Variants in OSBPL3 observed in about 807,000 individuals in gnomAD.
OSBPL3 encodes the protein oxysterol-binding protein-related protein 3.
Under a neutral mutation model 120.1 loss-of-function variants are expected in OSBPL3, and 65 were observed. The ratio of observed to expected loss-of-function variants is 0.54; its 90% CI spans 0.44 to 0.67. The LOEUF is 0.67. Ranked by LOEUF, OSBPL3 falls within the 30% of genes least tolerant of loss-of-function variation. The pLI is 0.00. For missense variants in OSBPL3, 1,004 were observed against 1,082.1 expected, an observed-to-expected ratio of 0.93 and a Z score of 1.01; for synonymous variants, 416 against 402.6, an observed-to-expected ratio of 1.03 and a Z score of -0.40.
chr7:24,900,852 G>C lies in OSBPL3; in HGVS notation c.-149-8231C>G, dbSNP rs1170167636. ...AAAGTAAGTGCGGATTTTGCCATTG[G>C]CACGAACCTAATACAAAAATTAGCT... On this transcript the variant is annotated intron_variant, in intron 1 of 22. Coordinates refer to ENST00000313367, the MANE Select transcript of OSBPL3 (RefSeq NM_015550.4). The surrounding 1 kb of genome is among the most constrained non-coding windows in gnomAD (Gnocchi z 4.5). 1.3e-5 allele frequency among the ~76,000 whole-genome samples: 2 copies of C among 152,080 alleles called. No homozygotes were observed. Among genetic ancestry groups the C allele is most frequent in the African/African-American group, 4.8e-5 (2 of 41,412 alleles).
chr7:24,919,641 A>G (rs1037065289), intron 1 of OSBPL3, among the ~76,000 whole-genome samples: 5 of 151,996 alleles, frequency 3.3e-5, no homozygotes, highest in African/African-American at 9.7e-5. Context: ...ACAAGCAACT[A>G]AGGGGGAAAA....
intron 1 of OSBPL3, among the ~76,000 whole-genome samples, chr7:24,907,018 C>T (rs1584578253): frequency 6.6e-6 from 1 of 152,000 alleles, no homozygotes; most frequent in Non-Finnish European, 1.5e-5. Flanking sequence ...ATTAAGATAC[C>T]CACCCTCTAT....
chr7:24,879,627 C>T lies in OSBPL3; in HGVS notation c.97-7558G>A, dbSNP rs142827633. 2.8e-4 allele frequency among the ~76,000 whole-genome samples: 43 copies of T among 152,266 alleles called. No individual in the cohort carries two copies. The East Asian group carries it at 7.9e-3, about 28-fold the overall frequency. On this transcript the variant is annotated intron_variant, in intron 2 of 22. Transcript: ENST00000313367. This position sits in a 1 kb window ranked among gnomAD's most constrained non-coding sequence, Gnocchi z 5.6. ...GAAAGGGAAGGAAAATCAGTCCTTG[C>T]CAGCAGCTGATACTGACAACAAGGA...
chr7:24,957,235 A>C (rs34657932), intron 1 of OSBPL3, among the ~76,000 whole-genome samples: 2 of 151,940 alleles, frequency 1.3e-5, no homozygotes, highest in Non-Finnish European at 2.9e-5. Flanking sequence ...AAAAAAAAAA[A>C]CCTCACCATC....
At chr7:24,920,388 A>C (rs1810251785) in intron 1 of OSBPL3, among the ~76,000 whole-genome samples, 2 of 152,230 alleles carry the variant, frequency 1.3e-5, no homozygotes, top group Admixed American at 1.3e-4. Flanking sequence ...CAGATTTTTT[A>C]AAGGCCATAT....
rs899714929 is a variant in OSBPL3, at chr7:24,835,281, C to T, written c.1496-545G>A. 6.6e-6 allele frequency among the ~76,000 whole-genome samples: 1 copy of T among 151,378 alleles called. No individual in the cohort carries two copies. Among genetic ancestry groups the T allele is most frequent in the Non-Finnish European group, 1.5e-5 (1 of 67,934 alleles). ...TTGTTCAGCTAACAGAGTATTTTTCCATATTATTTAAAATTTTTCTAAAAC... is the reference window on the plus strand; with the variant it reads ...TTGTTCAGCTAACAGAGTATTTTTCTATATTATTTAAAATTTTTCTAAAAC... On this transcript the variant is annotated intron_variant, in intron 14 of 22. Transcript: ENST00000313367. This position sits in a 1 kb window ranked among gnomAD's most constrained non-coding sequence, Gnocchi z 4.8.
rs553782900 is a variant in OSBPL3 at position 24,821,345 on chromosome 7, A to T, written c.1885-1107T>A. Reference sequence around the variant, plus strand: ...TTTTCAAACTTTGCAAAAAGAAGAAAAAAAATGTTTTAAGCAGCTGTACAG... The same window carrying T: ...TTTTCAAACTTTGCAAAAAGAAGAATAAAAATGTTTTAAGCAGCTGTACAG... On this transcript the variant is annotated intron_variant, in intron 16 of 22. Coordinates refer to ENST00000313367, the MANE Select transcript of OSBPL3 (RefSeq NM_015550.4). This position sits in a 1 kb window ranked among gnomAD's most constrained non-coding sequence, Gnocchi z 5.5. 7.2e-5 allele frequency among the ~76,000 whole-genome samples: 11 copies of T among 152,342 alleles called. No individual in the cohort carries two copies. In the East Asian group the frequency reaches 1.7e-3, roughly 24 times the overall value.
intron 5 of OSBPL3, among the ~76,000 whole-genome samples, chr7:24,870,258 G>T (rs894333843): frequency 1.5e-4 from 23 of 152,200 alleles, no homozygotes; most frequent in African/African-American, 5.1e-4. Context: ...TACTATTTGG[G>T]AACCCACACT....
intron 1 of OSBPL3, among the ~76,000 whole-genome samples, chr7:24,903,598 T>C: frequency 6.6e-6 from 1 of 152,236 alleles, no homozygotes; most frequent in East Asian, 1.9e-4. Flanking sequence ...CAAATAGATA[T>C]GTTGATGAAT....
In OSBPL3 at chr7:24,805,389, G is replaced by C. The variant is rs1367576942; in HGVS notation, c.2445-952C>G. Reference sequence around the variant, plus strand: ...ATCTGCATTTCCTATTTTGTGGACTGTTCATTTTCCTATGTCCATTTTTTT... The same window carrying C: ...ATCTGCATTTCCTATTTTGTGGACTCTTCATTTTCCTATGTCCATTTTTTT... On this transcript the variant is annotated intron_variant, in intron 21 of 22. Coordinates refer to ENST00000313367, the MANE Select transcript of OSBPL3 (RefSeq NM_015550.4). The surrounding 1 kb of genome is among the most constrained non-coding windows in gnomAD (Gnocchi z 4.0). 6.6e-6 allele frequency among the ~76,000 whole-genome samples: 1 copy of C among 152,012 alleles called. No individual in the cohort carries two copies. The highest frequency in any genetic ancestry group is 1.5e-5 in the Non-Finnish European group (1 of 67,994).
intron 22 of OSBPL3, among the ~76,000 whole-genome samples, chr7:24,801,001 G>A (rs1239875420): frequency 1.3e-5 from 2 of 150,154 alleles, no homozygotes; most frequent in Admixed American, 6.6e-5. Flanking sequence ...TCGGTACTTT[G>A]GGAGGCCGAA....
At chr7:24,951,423 C>T (rs1185168295) in intron 1 of OSBPL3, among the ~76,000 whole-genome samples, 4 of 151,846 alleles carry the variant, frequency 2.6e-5, no homozygotes, top group Admixed American at 6.6e-5. Flanking sequence ...AAAGGTGAAC[C>T]GAAAAATAAA....
chr7:24,892,767 T>A, intron 1 of OSBPL3, 146 bp from the exon 2 acceptor site: 16 of 355,926 alleles, frequency 4.5e-5, no homozygotes, highest in South Asian at 1.8e-4. Flanking sequence ...GAAAAGAAGC[T>A]TTACACCATT....
rs147377921 is a variant in OSBPL3, at chr7:24,972,735, C to CAT, written c.-150+7149_-150+7150dup. Among the ~76,000 whole-genome samples the CAT allele has an allele frequency of 4.6e-3, 701 of 152,184 alleles. 11 individuals carry two copies. The highest frequency in any genetic ancestry group is 0.015 in the African/African-American group (622 of 41,528). ...ATATACATACATAAATATACACACA[C>CAT]ATATATATACATATATGTAGATTAA... is the stretch of plus-strand genomic sequence containing the variant. On this transcript the variant is annotated intron_variant, in intron 1 of 22. Transcript: ENST00000313367. This position sits in a 1 kb window ranked among gnomAD's most constrained non-coding sequence, Gnocchi z 4.3.
intron 2 of OSBPL3, among the ~76,000 whole-genome samples, chr7:24,888,546 GC>G (rs1362204113): frequency 6.6e-6 from 1 of 152,124 alleles, no homozygotes; most frequent in Non-Finnish European, 1.5e-5. Context: ...AATCTCAGGA[GC>G]CCCAGTATTT....
At chr7:24,850,308 A>G (rs1287510167) in intron 11 of OSBPL3, among the ~76,000 whole-genome samples, 8 of 152,144 alleles carry the variant, frequency 5.3e-5, no homozygotes, top group Non-Finnish European at 4.4e-5. Context: ...GCACTTCATG[A>G]CCAACTCTTC....
chr7:24,897,466 C>T (rs1038343496), intron 1 of OSBPL3, among the ~76,000 whole-genome samples: 1 of 151,410 alleles, frequency 6.6e-6, no homozygotes, highest in Non-Finnish European at 1.5e-5. Flanking sequence ...GCTGGGACTA[C>T]AGGCGCCCGC....
At chr7:24,901,044 AG>A (rs1806923013) in intron 1 of OSBPL3, among the ~76,000 whole-genome samples, 1 of 145,060 alleles carries the variant, frequency 6.9e-6, no homozygotes, top group African/African-American at 2.6e-5. Flanking sequence ...AAAGAGAGAG[AG>A]ATGGCCAGGT....
rs151201524 is a variant in OSBPL3, at chr7:24,907,050, C to T, written c.-149-14429G>A. On this transcript the variant is annotated intron_variant, in intron 1 of 22. Transcript: ENST00000313367. ...CTATTAATCCAACCAAACTCCCTCT[C>T]CCAGAGCCCCCAGTAGTGTAGATTC... Among the ~76,000 whole-genome samples the T allele has an allele frequency of 1.8e-3, 270 of 152,278 alleles. 1 individual carries two copies. The highest frequency in any genetic ancestry group is 3.4e-3 in the Middle Eastern group (1 of 294).
Sources: allele counts gnomAD v4.1 joint callset (sites outside exome capture counted in the v4.1 genomes callset), GRCh38; gene constraint gnomAD v4.1.1; non-coding constraint Gnocchi (gnomAD v3.1); transcripts MANE v1.5; gene names NCBI Gene and HGNC (gene_info 2026-07-23, HGNC 2026-07-21).